CHMP4B: variants seen among roughly 807,000 people sequenced by gnomAD.
CHMP4B encodes the protein charged multivesicular body protein 4B, also known as SNF7 homolog associated with Alix 1.
In CHMP4B, 1 loss-of-function variant was observed where a neutral mutation model predicts 25.1. The observed-to-expected ratio is 0.04, with a 90% CI of 0.01 to 0.19. CHMP4B has a LOEUF of 0.19. Among genes scored for constraint, CHMP4B ranks in the 10% least tolerant of loss-of-function variants. CHMP4B has a pLI of 1.00. For synonymous variants in CHMP4B, 101 were observed against 115.6 expected, an observed-to-expected ratio of 0.87 and a Z score of 0.81; for missense variants, 151 against 289.7, an observed-to-expected ratio of 0.52 and a Z score of 3.48.
At position 33,852,193 on chromosome 20, in the gene CHMP4B, A is replaced by G. The variant is rs1979871318; in HGVS notation, c.600A>G (p.Pro200=). Reference sequence around the variant, plus strand: ...CAAATGTTCCCTCTATAGCCCTACCATCAAAACCCGGTGAGTGCTTCTAGA... The same window carrying G: ...CAAATGTTCCCTCTATAGCCCTACCGTCAAAACCCGGTGAGTGCTTCTAGA... The part of the protein sequence containing the change: ...PLPNVPSIAL[P]SKPAKKKEEE... Residue 200 remains proline (P), a synonymous_variant, in exon 4 of 5, where the codon CCA becomes CCG. Transcript: ENST00000217402. 1 of 1,614,052 alleles carries G rather than the reference A, an allele frequency of 6.2e-7. No homozygotes were observed. Among genetic ancestry groups the G allele is most frequent in the African/African-American group, 1.3e-5 (1 of 74,914 alleles).
intron 1 of CHMP4B, among the ~76,000 whole-genome samples, chr20:33,812,391 A>G (rs1978655047): frequency 6.6e-6 from 1 of 151,050 alleles, no homozygotes. Context: ...TCACCCCATG[A>G]CTCACCGCTT....
chr20:33,816,832 T>C (rs1437498283), intron 1 of CHMP4B, among the ~76,000 whole-genome samples: 1 of 152,148 alleles, frequency 6.6e-6, no homozygotes, highest in African/African-American at 2.4e-5. Context: ...TACATTTCTG[T>C]GAATTTATGG....
chr20:33,839,908 CATAG>C (rs1277429996), intron 1 of CHMP4B, among the ~76,000 whole-genome samples: 2 of 152,190 alleles, frequency 1.3e-5, no homozygotes, highest in Non-Finnish European at 2.9e-5. Flanking sequence ...GTACCTACCT[CATAG>C]ATAGGTTGTT....
chr20:33,819,100 C>T lies in CHMP4B; in HGVS notation c.190+7442C>T, dbSNP rs1343375042. The stretch of plus-strand genomic sequence containing the variant: ...AATTTTTTTGTATTTTCAGTAGAGA[C>T]GAGGTTTCACCATGTTAGCCAGGCT... On this transcript the variant is annotated intron_variant, in intron 1 of 4. Coordinates refer to ENST00000217402, the MANE Select transcript of CHMP4B (RefSeq NM_176812.5). 3.9e-5 allele frequency among the ~76,000 whole-genome samples: 6 copies of T among 152,202 alleles called. No individual in the cohort carries two copies. The East Asian group carries it at 7.7e-4, about 20-fold the overall frequency.
intron 1 of CHMP4B, among the ~76,000 whole-genome samples, chr20:33,827,099 G>A (rs1172304681): frequency 6.6e-6 from 1 of 152,066 alleles, no homozygotes; most frequent in East Asian, 1.9e-4. Flanking sequence ...CCCCTTTCCT[G>A]AGCTCCTGGC....
At chr20:33,829,240 TTCTC>T (rs1979176212) in intron 1 of CHMP4B, among the ~76,000 whole-genome samples, 1 of 152,196 alleles carries the variant, frequency 6.6e-6, no homozygotes, top group Non-Finnish European at 1.5e-5. Flanking sequence ...TTTTCCCCAG[TTCTC>T]TCTGTTTATA....
chr20:33,817,743 G>A (rs1280523895), intron 1 of CHMP4B, among the ~76,000 whole-genome samples: 1 of 152,198 alleles, frequency 6.6e-6, no homozygotes, highest in African/African-American at 2.4e-5. Context: ...GTCTTTAAGA[G>A]TGTGAGAGAG....
At chr20:33,822,824 T>G (rs1419674322) in intron 1 of CHMP4B, among the ~76,000 whole-genome samples, 1 of 152,192 alleles carries the variant, frequency 6.6e-6, no homozygotes, top group East Asian at 1.9e-4. Context: ...GACAAGAGTC[T>G]CATTCTGTCA....
chr20:33,834,375 A>G (rs1374421712), intron 1 of CHMP4B, among the ~76,000 whole-genome samples: 3 of 152,140 alleles, frequency 2.0e-5, no homozygotes, highest in Non-Finnish European at 2.9e-5. Context: ...CAGTGGCACA[A>G]TCATAGCTTA....
intron 1 of CHMP4B, among the ~76,000 whole-genome samples, chr20:33,817,859 G>T (rs1302051384): frequency 6.6e-6 from 1 of 152,166 alleles, no homozygotes; most frequent in East Asian, 1.9e-4. Flanking sequence ...CTAGCTGTTT[G>T]TAGTACTGGC....
intron 1 of CHMP4B, among the ~76,000 whole-genome samples, chr20:33,829,087 C>T (rs978649121): frequency 3.9e-5 from 6 of 152,208 alleles, no homozygotes; most frequent in African/African-American, 1.4e-4. Context: ...AATTGTTGGC[C>T]TCTGTCTTGG....
At position 33,853,588 on chromosome 20, in the gene CHMP4B, C is replaced by G. The variant is rs1568612935; in HGVS notation, c.*28C>G. The G allele has an allele frequency of 1.2e-6, 2 of 1,605,286 alleles. No individual in the cohort carries two copies. Among genetic ancestry groups the G allele is most frequent in the South Asian group, 1.1e-5 (1 of 90,876 alleles). ...GGGTCCAGCGCTGGCTGGGCCCAGA[C>G]AGACTGTGGTGGCCTGCGCAGCGAG... On this transcript the variant is annotated 3_prime_UTR_variant, in exon 5 of 5. Coordinates refer to ENST00000217402, the MANE Select transcript of CHMP4B (RefSeq NM_176812.5).
intron 1 of CHMP4B, among the ~76,000 whole-genome samples, chr20:33,847,249 T>A (rs2122813148): frequency 6.6e-6 from 1 of 152,232 alleles, no homozygotes; most frequent in African/African-American, 2.4e-5. Flanking sequence ...CTGGCACAGA[T>A]ACTTTTAGTA....
At chr20:33,828,362 C>T (rs184692928) in intron 1 of CHMP4B, among the ~76,000 whole-genome samples, 197 of 152,278 alleles carry the variant, frequency 1.3e-3, no homozygotes, top group African/African-American at 4.3e-3. Context: ...TCTCAACAGA[C>T]GCTGTGGTAA....
chr20:33,832,246 G>A (rs970684455), intron 1 of CHMP4B, among the ~76,000 whole-genome samples: 1 of 152,144 alleles, frequency 6.6e-6, no homozygotes, highest in African/African-American at 2.4e-5. Flanking sequence ...GGAAGCAGAG[G>A]AAGAAAAGCC....
At chr20:33,818,504 T>C (rs980786241) in intron 1 of CHMP4B, among the ~76,000 whole-genome samples, 2 of 147,408 alleles carry the variant, frequency 1.4e-5, no homozygotes, top group African/African-American at 2.5e-5. Flanking sequence ...AGTCTGTCTC[T>C]GGACAGCTCC....
At chr20:33,849,452 T>G (rs1979783446) in intron 2 of CHMP4B, among the ~76,000 whole-genome samples, 1 of 152,030 alleles carries the variant, frequency 6.6e-6, no homozygotes, top group African/African-American at 2.4e-5. Flanking sequence ...ATACAAAAAT[T>G]AGCTGGGTGT....
chr20:33,847,248 A>T (rs1484378646), intron 1 of CHMP4B, among the ~76,000 whole-genome samples: 1 of 152,000 alleles, frequency 6.6e-6, no homozygotes, highest in Non-Finnish European at 1.5e-5. Flanking sequence ...CCTGGCACAG[A>T]TACTTTTAGT....
intron 1 of CHMP4B, among the ~76,000 whole-genome samples, chr20:33,834,624 T>C (rs1018344613): frequency 6.6e-6 from 1 of 152,224 alleles, no homozygotes; most frequent in Admixed American, 6.5e-5. Context: ...AGGTACCACA[T>C]TGGTGGCATC....
Sources: allele counts gnomAD v4.1 joint callset (sites outside exome capture counted in the v4.1 genomes callset), GRCh38; gene constraint gnomAD v4.1.1; transcripts MANE v1.5; gene names NCBI Gene and HGNC (gene_info 2026-07-23, HGNC 2026-07-21).